The following CIAO1 variants were observed in gnomAD, a reference collection of about 807,000 sequenced individuals.
CIAO1 encodes the protein probable cytosolic iron-sulfur protein assembly protein CIAO1.
CIAO1 carries 32 observed loss-of-function variants against 43.1 expected under a neutral mutation model. The ratio of observed to expected loss-of-function variants is 0.74; its 90% CI spans 0.56 to 1.00. The LOEUF is 1.00. Among genes scored for constraint, CIAO1 ranks in the 50% least tolerant of loss-of-function variants. The pLI is 0.00. For synonymous variants in CIAO1, 183 were observed against 171.4 expected, an observed-to-expected ratio of 1.07 and a Z score of -0.53; for missense variants, 415 against 437.4, an observed-to-expected ratio of 0.95 and a Z score of 0.46.
rs1025083472 is a variant in CIAO1, at chr2:96,266,343, G to A, written c.-8G>A. 6.4e-6 allele frequency: 9 copies of A among 1,401,904 alleles called. No homozygotes were observed. The highest frequency in any genetic ancestry group is 5.9e-5 in the South Asian group (4 of 67,892). 86.8% of individuals were successfully genotyped at this position (1,401,904 alleles called of 1,614,324 possible). A position where few individuals can be genotyped will look rare whatever the true frequency, so the allele number is the denominator to read the frequency against. ...GCCCGCCCCCACCTCCCCCTGCGTCGGGCCGACATGAAGGACTCGCTGGTG... is the reference window on the plus strand; with the variant it reads ...GCCCGCCCCCACCTCCCCCTGCGTCAGGCCGACATGAAGGACTCGCTGGTG... On this transcript the variant is annotated 5_prime_UTR_variant, in exon 1 of 7. Coordinates refer to ENST00000488633, the MANE Select transcript of CIAO1 (RefSeq NM_004804.3).
At position 96,271,162 on chromosome 2, in the gene CIAO1, C is replaced by T. The variant is rs768011534; in HGVS notation, c.831C>T (p.Arg277=). 2.3e-5 allele frequency: 37 copies of T among 1,614,212 alleles called. No homozygotes were observed. In the East Asian group the frequency reaches 7.6e-4, roughly 33 times the overall value. Reference sequence around the variant, plus strand: ...CAGCTTGTGGGGATGACGCGATCCGCGTGTTTCAGGAGGATCCCAACTCGG... The same window carrying T: ...CAGCTTGTGGGGATGACGCGATCCGTGTGTTTCAGGAGGATCCCAACTCGG... ...LATACGDDAI[R]VFQEDPNSDP... is the part of the protein sequence containing the mutation. Residue 277 remains arginine, a synonymous_variant, in exon 7 of 7, where the codon CGC becomes CGT. Coordinates refer to ENST00000488633, the MANE Select transcript of CIAO1 (RefSeq NM_004804.3).
chr2:96,271,047 C>T, intron 6 of CIAO1, 64 bp from the exon 7 acceptor site: 1 of 1,597,476 alleles, frequency 6.3e-7, no homozygotes, highest in Non-Finnish European at 8.6e-7. Flanking sequence ...AGGCCAGGAA[C>T]TATGGAACAG....
intron 1 of CIAO1, among the ~76,000 whole-genome samples, chr2:96,266,719 A>G (rs1684438090): frequency 6.6e-6 from 1 of 152,226 alleles, no homozygotes; most frequent in South Asian, 2.1e-4. Context: ...AGAGGCAGGA[A>G]AATGGGAAAA....
At position 96,268,104 on chromosome 2, in the gene CIAO1, AGCACTTTGGGAGGC is replaced by A; in HGVS notation, c.489+181_489+194del. 3 of 641,080 alleles carry A rather than the reference AGCACTTTGGGAGGC, an allele frequency of 4.7e-6. No homozygotes were observed. The South Asian group carries it at 5.6e-5, about 12-fold the overall frequency. The allele number at this position is 641,080 out of a possible 1,614,324, so 39.7% of individuals were successfully genotyped here. A position where few individuals can be genotyped will look rare whatever the true frequency, so the allele number is the denominator to read the frequency against. On this transcript the variant is annotated intron_variant, in intron 4 of 6. Transcript: ENST00000488633. Reference sequence around the variant, plus strand: ...TGTGGTGGCTCACACCTATAATCTCAGCACTTTGGGAGGCCATGGTGGGTGGATCATCTGAGGTC... The same window carrying A: ...TGTGGTGGCTCACACCTATAATCTCACATGGTGGGTGGATCATCTGAGGTC...
At chr2:96,269,434 G>T (rs566996614) in intron 6 of CIAO1, 79 bp downstream of exon 6, 1 of 1,342,504 alleles carries the variant, frequency 7.4e-7, no homozygotes, top group African/African-American at 1.4e-5. Context: ...GCAGTCCTCT[G>T]CAACCCTGGG....
chr2:96,269,273 G>T lies in CIAO1; in HGVS notation c.697G>T (p.Ala233Ser), dbSNP rs760375256. ...AAGAGAAGTCTGTCTTGCAGGGGTG[G>T]CATGCAGCGGCTCTGACCCCAGTTG... Reference protein sequence around the residue: ...QYLPGNEQGVACSGSDPSWKC... With the variant: ...QYLPGNEQGVSCSGSDPSWKC... Residue 233 changes from alanine to serine, a missense_variant, in exon 6 of 7, where the codon GCA becomes TCA. Transcript: ENST00000488633. The T allele has an allele frequency of 1.7e-5, 28 of 1,613,962 alleles. No individual in the cohort carries two copies.
chr2:96,269,270 G>A lies in CIAO1; in HGVS notation c.694G>A (p.Val232Met). Residue 232 changes from valine (V) to methionine (M), a missense_variant and splice_region_variant, in exon 6 of 7, where the codon GTG becomes ATG. Physicochemically the swap from Val to Met is conservative, Grantham distance 21. Coordinates refer to ENST00000488633, the MANE Select transcript of CIAO1 (RefSeq NM_004804.3). ...RQYLPGNEQGVACSGSDPSWK... is the reference protein window; with the variant it reads ...RQYLPGNEQGMACSGSDPSWK... ...GGCAAGAGAAGTCTGTCTTGCAGGGGTGGCATGCAGCGGCTCTGACCCCAG... is the reference window on the plus strand; with the variant it reads ...GGCAAGAGAAGTCTGTCTTGCAGGGATGGCATGCAGCGGCTCTGACCCCAG... 1 of 1,614,118 alleles carries A rather than the reference G, an allele frequency of 6.2e-7. No individual in the cohort carries two copies. Among genetic ancestry groups the A allele is most frequent in the Non-Finnish European group, 8.5e-7 (1 of 1,179,994 alleles).
In CIAO1 at chr2:96,269,321, G is replaced by C. The variant is rs201052401; in HGVS notation, c.745G>C (p.Gly249Arg). 1.2e-6 allele frequency: 2 copies of C among 1,614,108 alleles called. No homozygotes were observed. Among genetic ancestry groups the C allele is most frequent in the Non-Finnish European group, 8.5e-7 (1 of 1,180,010 alleles). ...PSWKCICTLS[G>R]FHSRTIYDIA... ...TTGGAAATGTATCTGTACTTTGTCCGGCTTCCACTCAAGGACCATTTATGA... is the reference window on the plus strand; with the variant it reads ...TTGGAAATGTATCTGTACTTTGTCCCGCTTCCACTCAAGGACCATTTATGA... Residue 249 changes from glycine to arginine, a missense_variant, in exon 6 of 7, where the codon GGC becomes CGC. Gly to Arg is a moderately radical substitution (Grantham distance 125). Transcript: ENST00000488633.
rs1684427827 is a variant in CIAO1, at chr2:96,266,324, C to G, written c.-27C>G. 1 of 1,379,586 alleles carries G rather than the reference C, an allele frequency of 7.2e-7. No homozygotes were observed. The highest frequency in any genetic ancestry group is 9.5e-7 in the Non-Finnish European group (1 of 1,050,586). The allele number at this position is 1,379,586 out of a possible 1,614,324, so 85.5% of individuals were successfully genotyped here. A position where few individuals can be genotyped will look rare whatever the true frequency, so the allele number is the denominator to read the frequency against. On this transcript the variant is annotated 5_prime_UTR_variant, in exon 1 of 7. Coordinates refer to ENST00000488633, the MANE Select transcript of CIAO1 (RefSeq NM_004804.3). ...TGTCTGCTCAGCGGACTCTGCCCGC[C>G]CCCACCTCCCCCTGCGTCGGGCCGA...
rs368138623 is a variant in CIAO1, at chr2:96,272,105, GTGTC to G, written c.*758_*761del. On this transcript the variant is annotated 3_prime_UTR_variant, in exon 7 of 7. Transcript: ENST00000488633. ...TCCTAAGGCCCACAGCACATATAGT[GTGTC>G]TGTGATATTCCATTTTCATGGCAGG... is the stretch of plus-strand genomic sequence containing the variant. 39 of 152,352 alleles carry G rather than the reference GTGTC, an allele frequency of 2.6e-4. No individual in the cohort carries two copies. In the East Asian group the frequency reaches 6.6e-3, roughly 26 times the overall value. The allele number at this position is 152,352 out of a possible 1,614,324, so 9.4% of individuals were successfully genotyped here.
intron 6 of CIAO1, among the ~76,000 whole-genome samples, chr2:96,270,524 G>A (rs1264297899): frequency 6.7e-6 from 1 of 149,900 alleles, no homozygotes; most frequent in Non-Finnish European, 1.5e-5. Flanking sequence ...AAAACTTTAT[G>A]ATGGCTGGGC....
At chr2:96,267,580 G>C in intron 2 of CIAO1, 45 bp from the exon 3 acceptor site, 1 of 1,609,608 alleles carries the variant, frequency 6.2e-7, no homozygotes, top group South Asian at 1.1e-5. Flanking sequence ...AGGGGCTTAG[G>C]GGTGTTAGCT....
intron 5 of CIAO1, 111 bp downstream of exon 5, chr2:96,268,769 A>G: frequency 9.7e-7 from 1 of 1,035,644 alleles, no homozygotes; most frequent in Non-Finnish European, 1.4e-6. Context: ...GATGTGCTAC[A>G]AGAGGGCTCT....
chr2:96,269,515 G>A (rs1045671542), intron 6 of CIAO1, among the ~76,000 whole-genome samples, 160 bp downstream of exon 6: 3 of 152,230 alleles, frequency 2.0e-5, no homozygotes, highest in Admixed American at 1.3e-4. Flanking sequence ...CTGGTTTACA[G>A]CTGGCTGGGC....
At position 96,269,258 on chromosome 2, in the gene CIAO1, T is replaced by G. The variant is rs530725550; in HGVS notation, c.692-10T>G. 8.1e-6 allele frequency: 13 copies of G among 1,613,894 alleles called. No individual in the cohort carries two copies. The South Asian group carries it at 1.4e-4, about 18-fold the overall frequency. ...GGAACGTTTAAGGGCAAGAGAAGTCTGTCTTGCAGGGGTGGCATGCAGCGG... is the reference window on the plus strand; with the variant it reads ...GGAACGTTTAAGGGCAAGAGAAGTCGGTCTTGCAGGGGTGGCATGCAGCGG... On this transcript the variant is annotated splice_polypyrimidine_tract_variant and intron_variant, in intron 5 of 6. Coordinates refer to ENST00000488633, the MANE Select transcript of CIAO1 (RefSeq NM_004804.3).
intron 3 of CIAO1, 38 bp downstream of exon 3, chr2:96,267,774 T>G: frequency 6.2e-7 from 1 of 1,612,082 alleles, no homozygotes; most frequent in Non-Finnish European, 8.5e-7. Context: ...GGGAACCACC[T>G]GACAGCCCCC....
chr2:96,270,434 G>C (rs1377250200), intron 6 of CIAO1, among the ~76,000 whole-genome samples: 1 of 151,970 alleles, frequency 6.6e-6, no homozygotes, highest in Non-Finnish European at 1.5e-5. Context: ...CCCGGGAGGC[G>C]GAGGTTGCAG....
rs1424903944 is a variant in CIAO1 at position 96,266,282 on chromosome 2, C to T, written c.-69C>T. 3.8e-6 allele frequency: 5 copies of T among 1,299,510 alleles called. No homozygotes were observed. The highest frequency in any genetic ancestry group is 3.1e-5 in the African/African-American group (2 of 65,054). 80.5% of individuals were successfully genotyped at this position (1,299,510 alleles called of 1,614,324 possible). A position where few individuals can be genotyped will look rare whatever the true frequency, so the allele number is the denominator to read the frequency against. ...GCCTGGAGTGGGCGGTACGCAGACGCGCGCGGTGAGACCCGCTGTCTGCTC... is the reference window on the plus strand; with the variant it reads ...GCCTGGAGTGGGCGGTACGCAGACGTGCGCGGTGAGACCCGCTGTCTGCTC... On this transcript the variant is annotated 5_prime_UTR_variant, in exon 1 of 7. Transcript: ENST00000488633.
intron 2 of CIAO1, 45 bp downstream of exon 2, chr2:96,267,514 C>T: frequency 6.2e-7 from 1 of 1,610,942 alleles, no homozygotes; most frequent in Non-Finnish European, 8.5e-7. Flanking sequence ...GTTTCCTCCC[C>T]AGGGCTGGTT....
Sources: gnomAD v4.1 joint callset for allele counts (sites outside exome capture counted in the v4.1 genomes callset) on GRCh38, gnomAD v4.1.1 for gene constraint, MANE v1.5 for transcripts, NCBI Gene and HGNC (gene_info 2026-07-23, HGNC 2026-07-21) for gene names.